The following LDB2 variants were observed in gnomAD, a reference collection of about 807,000 sequenced individuals.
LDB2 encodes the protein LIM domain-binding protein 2.
Under a neutral mutation model 44.3 loss-of-function variants are expected in LDB2, and 12 were observed. The ratio of observed to expected loss-of-function variants is 0.27; its 90% CI spans 0.17 to 0.44. The LOEUF is 0.44. Among genes scored for constraint, LDB2 ranks in the 20% least tolerant of loss-of-function variants. The pLI is 1.00. For missense variants in LDB2, 344 were observed against 473.5 expected (o/e 0.73, Z 2.54); for synonymous variants, 164 against 174.8 (o/e 0.94, Z 0.49).
intron 5 of LDB2, among the ~76,000 whole-genome samples, chr4:16,572,929 G>T (rs1747092925): frequency 6.6e-6 from 1 of 152,174 alleles, no homozygotes; most frequent in South Asian, 2.1e-4. Flanking sequence ...GGTGAAGGAG[G>T]AGGAAGGGAA....
intron 1 of LDB2, among the ~76,000 whole-genome samples, chr4:16,838,273 TA>T (rs1458738743): frequency 6.6e-6 from 1 of 152,090 alleles, no homozygotes. Context: ...TAGGAGAAAT[TA>T]AAAACGGAGA....
Position 16,746,871 on chromosome 4 carries a change from A to T in LDB2, c.235+12287T>A, listed in dbSNP as rs553205716. Reference sequence around the variant, plus strand: ...ATTCCTAATTTCCGGGGAATGGGTCATCTTCTCCTCAGGGTTCTGAATGAA... The same window carrying T: ...ATTCCTAATTTCCGGGGAATGGGTCTTCTTCTCCTCAGGGTTCTGAATGAA... On this transcript the variant is annotated intron_variant, in intron 2 of 7. Coordinates refer to ENST00000304523, the MANE Select transcript of LDB2 (RefSeq NM_001290.5). Among the ~76,000 whole-genome samples the T allele has an allele frequency of 2.4e-4, 36 of 152,342 alleles. No individual in the cohort carries two copies. The South Asian group carries it at 6.8e-3, about 29-fold the overall frequency.
rs1287058598 is a variant in LDB2 at position 16,518,450 on chromosome 4, A to G, written c.616-6346T>C. Among the ~76,000 whole-genome samples, 5 of 150,970 alleles carry G rather than the reference A, an allele frequency of 3.3e-5. No homozygotes were observed. The East Asian group carries it at 7.7e-4, about 23-fold the overall frequency. ...GTATGTAGGTCTCTTCAGAGTTGCT[A>G]GGTCAACGCGTTGCTCAGACCTTTG... is the stretch of plus-strand genomic sequence containing the variant. On this transcript the variant is annotated intron_variant, in intron 5 of 7. Coordinates refer to ENST00000304523, the MANE Select transcript of LDB2 (RefSeq NM_001290.5).
intron 1 of LDB2, among the ~76,000 whole-genome samples, chr4:16,879,944 ACT>A (rs1379653642): frequency 6.6e-6 from 1 of 152,012 alleles, no homozygotes; most frequent in Non-Finnish European, 1.5e-5. Context: ...TTGGTGTCCA[ACT>A]CTCTTTACAC....
chr4:16,833,511 C>T (rs945796108), intron 1 of LDB2, among the ~76,000 whole-genome samples: 1 of 151,368 alleles, frequency 6.6e-6, no homozygotes, highest in Non-Finnish European at 1.5e-5. Flanking sequence ...ATGATCCGGT[C>T]CCAACAGCTT....
rs200875552 is a variant in LDB2 at position 16,588,731 on chromosome 4, C to T, written c.510G>A (p.Pro170=). The T allele has an allele frequency of 2.7e-5, 44 of 1,613,614 alleles. No individual in the cohort carries two copies. The highest frequency in any genetic ancestry group is 6.6e-5 in the South Asian group (6 of 90,976). The change falls in exon 4 of 8, where the codon CCG becomes CCA. Residue 170 remains proline, a synonymous_variant. Transcript: ENST00000304523. ...FTIRQYRELV[P]RSILAMHAQD... is the part of the protein sequence containing the mutation. Reference sequence around the variant, plus strand: ...TTACATGCATGGCTAGGATGCTTCTCGGGACTAACTCTCGGTATTGTCTAA... The same window carrying T: ...TTACATGCATGGCTAGGATGCTTCTTGGGACTAACTCTCGGTATTGTCTAA...
At chr4:16,764,231 A>C (rs764494390) in intron 1 of LDB2, among the ~76,000 whole-genome samples, 1 of 152,048 alleles carries the variant, frequency 6.6e-6, no homozygotes, top group Non-Finnish European at 1.5e-5. Context: ...TCCCCCTCCA[A>C]CCTTTCGGAG....
chr4:16,743,395 T>C (rs1763740312), intron 2 of LDB2, among the ~76,000 whole-genome samples: 1 of 152,138 alleles, frequency 6.6e-6, no homozygotes, highest in Non-Finnish European at 1.5e-5. Context: ...TTCCCACCCC[T>C]GGTATATGCA....
intron 2 of LDB2, among the ~76,000 whole-genome samples, chr4:16,693,799 C>T (rs995564350): frequency 6.6e-6 from 1 of 152,208 alleles, no homozygotes; most frequent in East Asian, 1.9e-4. Context: ...TTTCTTTCTG[C>T]TGAGGCACAT....
intron 2 of LDB2, among the ~76,000 whole-genome samples, chr4:16,707,055 A>G (rs993038291): frequency 2.6e-5 from 4 of 152,310 alleles, no homozygotes; most frequent in Admixed American, 6.5e-5. Context: ...AATATTCATC[A>G]TTTTAATTCC....
At chr4:16,570,390 G>A (rs1043310926) in intron 5 of LDB2, among the ~76,000 whole-genome samples, 6 of 143,106 alleles carry the variant, frequency 4.2e-5, no homozygotes, top group African/African-American at 1.5e-4. Flanking sequence ...GTGAACCTGG[G>A]AGGCGGAGCT....
intron 5 of LDB2, among the ~76,000 whole-genome samples, chr4:16,513,422 C>T (rs1433204968): frequency 6.6e-6 from 1 of 152,216 alleles, no homozygotes; most frequent in African/African-American, 2.4e-5. Context: ...AAACCATCTG[C>T]TTCTAAGTCT....
At chr4:16,881,365 CTTAA>C (rs1193895102) in intron 1 of LDB2, among the ~76,000 whole-genome samples, 1 of 152,172 alleles carries the variant, frequency 6.6e-6, no homozygotes, top group Non-Finnish European at 1.5e-5. Context: ...TAGTGTGTGG[CTTAA>C]TTGAGGCCAT....
chr4:16,572,072 C>G (rs533842814), intron 5 of LDB2, among the ~76,000 whole-genome samples: 2 of 152,258 alleles, frequency 1.3e-5, no homozygotes, highest in African/African-American at 4.8e-5. Flanking sequence ...CAGAGACCAG[C>G]CACAGAGAAG....
chr4:16,592,056 GAC>G (rs1719171534), intron 3 of LDB2, among the ~76,000 whole-genome samples: 1 of 152,068 alleles, frequency 6.6e-6, no homozygotes, highest in Non-Finnish European at 1.5e-5. Flanking sequence ...AATCCCAGCA[GAC>G]ACACTCTAAT....
intron 2 of LDB2, among the ~76,000 whole-genome samples, chr4:16,688,229 G>C (rs931926260): frequency 6.6e-6 from 1 of 152,186 alleles, no homozygotes; most frequent in African/African-American, 2.4e-5. Context: ...ACAGCAAATG[G>C]ATTCAGGAAC....
chr4:16,751,249 G>A (rs1031216981), intron 2 of LDB2, among the ~76,000 whole-genome samples: 1 of 152,106 alleles, frequency 6.6e-6, no homozygotes, highest in Non-Finnish European at 1.5e-5. Context: ...TTTCATAACA[G>A]CTTGACTTAT....
chr4:16,845,748 T>C (rs181996102), intron 1 of LDB2, among the ~76,000 whole-genome samples: 1 of 152,258 alleles, frequency 6.6e-6, no homozygotes, highest in African/African-American at 2.4e-5. Flanking sequence ...GTACTACTAG[T>C]CCTAATTTAT....
At chr4:16,510,044 G>A (rs1721103976) in intron 6 of LDB2, among the ~76,000 whole-genome samples, 1 of 152,178 alleles carries the variant, frequency 6.6e-6, no homozygotes, top group South Asian at 2.1e-4. Flanking sequence ...GAGCCCGGAA[G>A]TCGAGGCTGC....
Sources: gnomAD v4.1 joint callset for allele counts (sites outside exome capture counted in the v4.1 genomes callset) on GRCh38, gnomAD v4.1.1 for gene constraint, MANE v1.5 for transcripts, NCBI Gene and HGNC (gene_info 2026-07-23, HGNC 2026-07-21) for gene names.